EPG5: variants seen among roughly 807,000 people sequenced by gnomAD.
EPG5 encodes the protein ectopic P-granules 5 autophagy tethering factor, also known as ectopic P granules protein 5 homolog.
Under a neutral mutation model 302.7 loss-of-function variants are expected in EPG5, and 159 were observed. That is an observed-to-expected ratio of 0.53 (90% confidence interval 0.46 to 0.60). The LOEUF (loss-of-function observed/expected upper bound fraction) is 0.60. EPG5 is among the 20% of genes least tolerant of loss of function. The probability of loss-of-function intolerance (pLI) is 0.00; values close to 1 mark genes in which losing one functional copy is unlikely to be tolerated. For missense variants in EPG5, 2,896 were observed against 3,092.4 expected, an observed-to-expected ratio of 0.94 and a Z score of 1.51; for synonymous variants, 1,158 against 1,136.8, an observed-to-expected ratio of 1.02 and a Z score of -0.37.
chr18:45,944,714 C>T (rs537337745), intron 7 of EPG5, among the ~76,000 whole-genome samples: 1 of 152,254 alleles, frequency 6.6e-6, no homozygotes, highest in Non-Finnish European at 1.5e-5. Flanking sequence ...GAGATCACAC[C>T]ATTGCACTCC....
At chr18:45,806,890 A>G in the EPG5 span, among the ~76,000 whole-genome samples, 1 of 152,134 alleles carries the variant, frequency 6.6e-6, no homozygotes, top group Non-Finnish European at 1.5e-5. Flanking sequence ...GAGGGCATGA[A>G]TCTGGTGTGC....
Position 45,916,026 on chromosome 18 carries a change from G to C in EPG5, c.3565C>G (p.Leu1189Val), listed in dbSNP as rs781321117. ...LMQEDCIQKL[L>V]YQQHKNALGY... The stretch of plus-strand genomic sequence containing the variant: ...TTAATTACCTTATGTTGTTGGTAGA[G>C]TAATTTCTGTATGCAGTCTTCCTGC... Residue 1189 changes from leucine to valine, a missense_variant, in exon 19 of 44, where the codon CTC (leucine) becomes GTC (valine). Coordinates refer to ENST00000282041, the MANE Select transcript of EPG5 (RefSeq NM_020964.3). 1 of 1,612,618 alleles carries C rather than the reference G, an allele frequency of 6.2e-7. No homozygotes were observed. Among genetic ancestry groups the C allele is most frequent in the Admixed American group, 1.7e-5 (1 of 59,822 alleles).
At chr18:45,812,255 A>G in the EPG5 span, among the ~76,000 whole-genome samples, 1 of 152,202 alleles carries the variant, frequency 6.6e-6, no homozygotes, top group African/African-American at 2.4e-5. Context: ...CCACTGCTCA[A>G]CAAAACAAAA....
intron 7 of EPG5, among the ~76,000 whole-genome samples, chr18:45,944,621 G>A (rs1443944298): frequency 6.6e-6 from 1 of 152,088 alleles, no homozygotes; most frequent in East Asian, 1.9e-4. Context: ...CAGATGTGGT[G>A]GCATGCACCT....
At position 45,954,869 on chromosome 18, in the gene EPG5, C is replaced by T. The variant is rs1202088395; in HGVS notation, c.533G>A (p.Ser178Asn). Residue 178 changes from serine to asparagine, a missense_variant, in exon 2 of 44, where the codon AGT becomes AAT. By Grantham distance (46) the Ser-to-Asn change is conservative. This residue lies in a region of EPG5 where 1,390 missense variants were observed against 1,430.0 expected (regional missense o/e 0.97). Transcript: ENST00000282041. ...AACCAGGCCTTGTTTGTCTTCTTTACTATTCTGAGTTTCTCTGACTTGTAT... is the reference window on the plus strand; with the variant it reads ...AACCAGGCCTTGTTTGTCTTCTTTATTATTCTGAGTTTCTCTGACTTGTAT... ...ENIQVRETQN[S>N]KEDKQGLVCS... 6.2e-7 allele frequency: 1 copy of T among 1,614,036 alleles called. No individual in the cohort carries two copies. Among genetic ancestry groups the T allele is most frequent in the Non-Finnish European group, 8.5e-7 (1 of 1,180,022 alleles).
In EPG5 at chr18:45,880,173, C is replaced by G. The variant is rs1172830032; in HGVS notation, c.5569G>C (p.Ala1857Pro). Residue 1857 changes from alanine (A) to proline (P), a missense_variant, in exon 32 of 44, where the codon GCC becomes CCC. Around this residue, in one of 5 missense-constraint regions of EPG5, gnomAD observed 790 missense variants for 798.0 expected, o/e 0.99. Coordinates refer to ENST00000282041, the MANE Select transcript of EPG5 (RefSeq NM_020964.3). ...SPECWKATLR[A>P]LGCCAPSCQQ... The stretch of plus-strand genomic sequence containing the variant: ...CAGCTGGGGGCGCAGCAGCCCAGGG[C>G]TCTCAGAGTGGCCTTCCAACACTCG... 1 of 1,611,312 alleles carries G rather than the reference C, an allele frequency of 6.2e-7. No individual in the cohort carries two copies. The highest frequency in any genetic ancestry group is 8.5e-7 in the Non-Finnish European group (1 of 1,178,548).
intron 23 of EPG5, among the ~76,000 whole-genome samples, chr18:45,908,468 A>AAT (rs1407266719): frequency 6.6e-6 from 1 of 152,204 alleles, no homozygotes; most frequent in African/African-American, 2.4e-5. Context: ...GAAAAGCAAA[A>AAT]ATAATACATT....
At chr18:45,827,509 T>C in the EPG5 span, among the ~76,000 whole-genome samples, 1 of 151,806 alleles carries the variant, frequency 6.6e-6, no homozygotes, top group Admixed American at 6.6e-5. Flanking sequence ...GGGAGAGGGG[T>C]TGAGGGTGTG....
At chr18:45,920,066 A>G (rs2050120941) in intron 16 of EPG5, among the ~76,000 whole-genome samples, 1 of 152,170 alleles carries the variant, frequency 6.6e-6, no homozygotes, top group Non-Finnish European at 1.5e-5. Context: ...CCATTCTCCA[A>G]CATGAATCAC....
intron 11 of EPG5, 46 bp from the exon 12 acceptor site, chr18:45,930,876 T>C: frequency 6.7e-7 from 1 of 1,498,498 alleles, no homozygotes; most frequent in Non-Finnish European, 9.0e-7. Flanking sequence ...AGAATAAATT[T>C]ATATCTTTTA....
chr18:45,911,075 CTA>C (rs1398013721), intron 22 of EPG5, among the ~76,000 whole-genome samples: 1 of 121,132 alleles, frequency 8.3e-6, no homozygotes. Context: ...ATCTATCTAT[CTA>C]TACACACACA....
chr18:45,880,993 A>G (rs2049087354), intron 31 of EPG5, among the ~76,000 whole-genome samples: 1 of 152,126 alleles, frequency 6.6e-6, no homozygotes, highest in South Asian at 2.1e-4. Flanking sequence ...TGGAAATCAC[A>G]CATGCCTAGA....
At chr18:45,819,494 G>C in the EPG5 span, among the ~76,000 whole-genome samples, 1 of 152,184 alleles carries the variant, frequency 6.6e-6, no homozygotes, top group Non-Finnish European at 1.5e-5. Flanking sequence ...TGGGGAGTGA[G>C]AAGAAGTTGG....
intron 43 of EPG5, 111 bp downstream of exon 43, chr18:45,855,461 GC>G: frequency 1.4e-6 from 1 of 701,752 alleles, no homozygotes; most frequent in Non-Finnish European, 2.4e-6. Context: ...GGAACACTGT[GC>G]TACCACCACA....
intron 16 of EPG5, among the ~76,000 whole-genome samples, chr18:45,919,901 A>G (rs2050117881): frequency 6.6e-6 from 1 of 152,212 alleles, no homozygotes; most frequent in African/African-American, 2.4e-5. Flanking sequence ...GAAGTACAGG[A>G]AGCCGTTAAT....
the EPG5 span, among the ~76,000 whole-genome samples, chr18:45,812,415 T>C: frequency 6.6e-6 from 1 of 152,200 alleles, no homozygotes; most frequent in South Asian, 2.1e-4. Flanking sequence ...TGGAAAAAAC[T>C]ACTTTAAAGT....
downstream of EPG5, among the ~76,000 whole-genome samples, chr18:45,844,730 GC>G (rs2048351154): frequency 6.6e-6 from 1 of 152,154 alleles, no homozygotes; most frequent in Non-Finnish European, 1.5e-5. Context: ...TCATCCAGGA[GC>G]CTGTCTGAGC....
At chr18:45,933,283 C>A (rs1263511709) in intron 11 of EPG5, among the ~76,000 whole-genome samples, 1 of 151,966 alleles carries the variant, frequency 6.6e-6, no homozygotes, top group Non-Finnish European at 1.5e-5. Context: ...CCAGAGCTAC[C>A]ACTAAGAAGA....
At chr18:45,937,096 G>C (rs550118412) in intron 10 of EPG5, among the ~76,000 whole-genome samples, 10 of 151,936 alleles carry the variant, frequency 6.6e-5, no homozygotes, top group Admixed American at 1.3e-4. Flanking sequence ...CATGGGACCT[G>C]ATGCTGTTTT....
Sources: allele counts gnomAD v4.1 joint callset (sites outside exome capture counted in the v4.1 genomes callset), GRCh38; gene constraint gnomAD v4.1.1; regional missense constraint gnomAD v4.1.1; transcripts MANE v1.5; gene names NCBI Gene and HGNC (gene_info 2026-07-23, HGNC 2026-07-21).